ANP32B: variants seen among roughly 807,000 people sequenced by gnomAD.
ANP32B encodes the protein acidic nuclear phosphoprotein 32 family member B.
ANP32B carries 6 observed loss-of-function variants against 32.2 expected under a neutral mutation model. That is an observed-to-expected ratio of 0.19 (90% CI 0.10 to 0.37). ANP32B has a LOEUF of 0.37. ANP32B is among the 10% of genes least tolerant of loss of function. The pLI, the probability that ANP32B is intolerant of heterozygous loss-of-function variation, is 1.00. For missense variants in ANP32B, 204 were observed against 289.2 expected, an observed-to-expected ratio of 0.71 and a Z score of 2.14; for synonymous variants, 98 against 105.8, an observed-to-expected ratio of 0.93 and a Z score of 0.45.
chr9:98,004,927 T>G (rs750693626), intron 3 of ANP32B, 37 bp from the exon 4 acceptor site: 1 of 1,524,798 alleles, frequency 6.6e-7, no homozygotes, highest in Non-Finnish European at 8.9e-7. Context: ...TATATTCCTT[T>G]GGTTTAGGAG....
At chr9:97,986,002 G>A (rs1454034425) in intron 1 of ANP32B, among the ~76,000 whole-genome samples, 1 of 152,072 alleles carries the variant, frequency 6.6e-6, no homozygotes, top group African/African-American at 2.4e-5. Flanking sequence ...TGTATTTTTA[G>A]TAGAGGCGGG....
At chr9:97,983,997 C>A (rs902508367) in intron 1 of ANP32B, among the ~76,000 whole-genome samples, 1 of 149,972 alleles carries the variant, frequency 6.7e-6, no homozygotes, top group East Asian at 2.0e-4. Context: ...CCCGGCCTGC[C>A]GAGGAGCTGC....
chr9:97,992,515 T>TG (rs1160887240), intron 1 of ANP32B, among the ~76,000 whole-genome samples: 1 of 151,236 alleles, frequency 6.6e-6, no homozygotes, highest in Admixed American at 6.6e-5. Flanking sequence ...CTCTGTGAGC[T>TG]GAGAGGCAGT....
At position 98,011,349 on chromosome 9, in the gene ANP32B, A is replaced by T. The variant is rs1474420460; in HGVS notation, c.596A>T (p.Asp199Val). 2.6e-6 allele frequency: 4 copies of T among 1,551,904 alleles called. No homozygotes were observed. The highest frequency in any genetic ancestry group is 1.4e-5 in the African/African-American group (1 of 73,448). The stretch of plus-strand genomic sequence containing the variant: ...GATGAAGAAGATGATGAAGATGAAG[A>T]TGTAGAAGGGGATGAGGACGACGAT... Reference protein sequence around the residue: ...EFDEEDDEDEDVEGDEDDDEV... With the variant: ...EFDEEDDEDEVVEGDEDDDEV... Residue 199 changes from aspartate (D) to valine (V), a missense_variant, in exon 5 of 7, where the codon GAT becomes GTT. By Grantham distance (152) the Asp-to-Val change is radical. Coordinates refer to ENST00000339399, the MANE Select transcript of ANP32B (RefSeq NM_006401.3).
In ANP32B at chr9:98,009,074, C is replaced by T. The variant is rs1328308444; in HGVS notation, c.518-2197C>T. Among the ~76,000 whole-genome samples, 5 of 152,126 alleles carry T rather than the reference C, an allele frequency of 3.3e-5. No homozygotes were observed. In the East Asian group the frequency reaches 7.7e-4, roughly 23 times the overall value. Reference sequence around the variant, plus strand: ...TTATTGCCAGCTATAAATAAAATAGCTTTCCCTTCCATTGACATATGACCA... The same window carrying T: ...TTATTGCCAGCTATAAATAAAATAGTTTTCCCTTCCATTGACATATGACCA... On this transcript the variant is annotated intron_variant, in intron 4 of 6. Coordinates refer to ENST00000339399, the MANE Select transcript of ANP32B (RefSeq NM_006401.3).
chr9:97,983,377 A>T lies in ANP32B; in HGVS notation c.-179A>T. On this transcript the variant is annotated 5_prime_UTR_variant, in exon 1 of 7. The change abolishes the stop of an existing upstream ORF in the 5' untranslated region. Transcript: ENST00000339399. The stretch of plus-strand genomic sequence containing the variant: ...ATGGTTTCTCTCCGCTCCCGTGAGT[A>T]ACTTGGCTCCGGGGGCTCCGCTCGC... The T allele has an allele frequency of 1.8e-6, 1 of 558,802 alleles. No individual in the cohort carries two copies. The highest frequency in any genetic ancestry group is 2.2e-5 in the South Asian group (1 of 44,624). 34.6% of individuals were successfully genotyped at this position (558,802 alleles called of 1,614,324 possible).
At chr9:97,984,676 C>A (rs1253677143) in intron 1 of ANP32B, 1 of 150,790 alleles carries the variant, frequency 6.6e-6, no homozygotes, top group Non-Finnish European at 1.5e-5. Flanking sequence ...GCCGCCTCTT[C>A]CCGCGCCGAG....
intron 2 of ANP32B, among the ~76,000 whole-genome samples, chr9:97,996,849 C>G (rs978387849): frequency 6.6e-6 from 1 of 152,166 alleles, no homozygotes; most frequent in Middle Eastern, 3.4e-3. Context: ...ATCAGCCCAC[C>G]TCGGCCTCTC....
chr9:97,984,596 C>G (rs1218119612), intron 1 of ANP32B: 1 of 150,866 alleles, frequency 6.6e-6, no homozygotes, highest in Non-Finnish European at 1.5e-5. Context: ...GGCGGGTGCC[C>G]GTCTCCCTGC....
chr9:97,983,613 A>G lies in ANP32B; in HGVS notation c.54+4A>G. On this transcript the variant is annotated splice_donor_region_variant and intron_variant, in intron 1 of 6. Transcript: ENST00000339399. ...GAGGAACCGGACCCCGGCAGCTGTAAGCAGAGACCCCTCTGGGTGCCCTCT... is the reference window on the plus strand; with the variant it reads ...GAGGAACCGGACCCCGGCAGCTGTAGGCAGAGACCCCTCTGGGTGCCCTCT... The G allele has an allele frequency of 6.4e-7, 1 of 1,572,242 alleles. No individual in the cohort carries two copies. The highest frequency in any genetic ancestry group is 8.6e-7 in the Non-Finnish European group (1 of 1,160,072).
chr9:97,993,375 G>T (rs1192212041), intron 1 of ANP32B, among the ~76,000 whole-genome samples: 1 of 152,172 alleles, frequency 6.6e-6, no homozygotes, highest in African/African-American at 2.4e-5. Flanking sequence ...ACTGTTAATA[G>T]CTCCTCTTCT....
At chr9:98,011,888 C>A (rs1426491866) in intron 5 of ANP32B, among the ~76,000 whole-genome samples, 1 of 152,104 alleles carries the variant, frequency 6.6e-6, no homozygotes, top group Non-Finnish European at 1.5e-5. Flanking sequence ...AATAGAGGAT[C>A]CCTGAGGAAA....
At chr9:97,992,132 G>A (rs1454228241) in intron 1 of ANP32B, among the ~76,000 whole-genome samples, 7 of 151,596 alleles carry the variant, frequency 4.6e-5, no homozygotes, top group South Asian at 4.2e-4. Context: ...CTTTTTCACC[G>A]AGGCTGGGGT....
intron 2 of ANP32B, among the ~76,000 whole-genome samples, chr9:97,997,154 CTG>C (rs1355655117): frequency 6.6e-6 from 1 of 152,124 alleles, no homozygotes; most frequent in Non-Finnish European, 1.5e-5. Context: ...AAAGTTATCT[CTG>C]TTTTTATTTT....
intron 3 of ANP32B, among the ~76,000 whole-genome samples, chr9:98,002,992 A>T (rs748710731): frequency 7.2e-5 from 11 of 152,200 alleles, no homozygotes; most frequent in Non-Finnish European, 1.6e-4. Flanking sequence ...GAAAGCCAGT[A>T]TGCTAGCTAG....
At position 97,983,506 on chromosome 9, in the gene ANP32B, TCCGCCCCCG is replaced by T. The variant is rs779483081; in HGVS notation, c.-45_-37del. On this transcript the variant is annotated 5_prime_UTR_variant, in exon 1 of 7. Transcript: ENST00000339399. ...CGCAAGCCGGGACGCCTCTCCCCCC[TCCGCCCCCG>T]CCGCGGAAAGTTAAGTTTGAAGAGG... 18 of 1,503,702 alleles carry T rather than the reference TCCGCCCCCG, an allele frequency of 1.2e-5. No individual in the cohort carries two copies. Among genetic ancestry groups the T allele is most frequent in the African/African-American group, 4.3e-5 (3 of 69,900 alleles). 93.1% of individuals were successfully genotyped at this position (1,503,702 alleles called of 1,614,324 possible). A position where few individuals can be genotyped will look rare whatever the true frequency, so the allele number is the denominator to read the frequency against.
intron 1 of ANP32B, among the ~76,000 whole-genome samples, chr9:97,984,361 TCTCG>T (rs1287568705): frequency 6.6e-6 from 1 of 151,434 alleles, no homozygotes; most frequent in African/African-American, 2.4e-5. Context: ...TCCCCCGTTC[TCTCG>T]CTCCCTCTTC....
chr9:98,001,174 CT>C (rs11338569), intron 3 of ANP32B, among the ~76,000 whole-genome samples: 37,577 of 149,416 alleles, frequency 0.25, 5,167 homozygotes, highest in South Asian at 0.49. Flanking sequence ...CGCCACCCCC[CT>C]TTTTTTTTCT....
At chr9:97,992,058 T>C (rs1827833552) in intron 1 of ANP32B, among the ~76,000 whole-genome samples, 1 of 152,208 alleles carries the variant, frequency 6.6e-6, no homozygotes, top group African/African-American at 2.4e-5. Flanking sequence ...TACATGATCC[T>C]GTCATCATGA....
Sources: allele counts gnomAD v4.1 joint callset (sites outside exome capture counted in the v4.1 genomes callset), GRCh38; gene constraint gnomAD v4.1.1; transcripts MANE v1.5; gene names NCBI Gene and HGNC (gene_info 2026-07-23, HGNC 2026-07-21).